CPLANE1: variants seen among roughly 807,000 people sequenced by gnomAD.
CPLANE1 encodes ciliogenesis and planar polarity effector complex subunit 1.
Under a neutral mutation model 362.5 loss-of-function variants are expected in CPLANE1, and 263 were observed. The ratio of observed to expected loss-of-function variants is 0.73; its 90% confidence interval spans 0.66 to 0.80. The LOEUF (loss-of-function observed/expected upper bound fraction) is 0.80. CPLANE1 is among the 30% of genes least tolerant of loss of function. The pLI, the probability that CPLANE1 is intolerant of heterozygous loss-of-function variation, is 0.00. For synonymous variants in CPLANE1, 1,212 were observed against 1,302.6 expected (o/e 0.93, Z 1.50); for missense variants, 3,461 against 3,793.4 (o/e 0.91, Z 2.30).
Position 37,182,890 on chromosome 5 carries a change from A to T in CPLANE1, c.5291T>A (p.Ile1764Lys), listed in dbSNP as rs140092205. Reference sequence around the variant, plus strand: ...ACTGTACTCAGAGGATGACTCAGTTATACCAGAATCACAGAGTAGCCTTCT... The same window carrying T: ...ACTGTACTCAGAGGATGACTCAGTTTTACCAGAATCACAGAGTAGCCTTCT... ...SNRRLLCDSG[I>K]TESSSEYSPV... Residue 1764 changes from isoleucine to lysine, a missense_variant, in exon 26 of 53, where the codon ATA becomes AAA. Coordinates refer to ENST00000651892, the MANE Select transcript of CPLANE1 (RefSeq NM_001384732.1). 1.2e-6 allele frequency: 2 copies of T among 1,608,186 alleles called. No individual in the cohort carries two copies. The highest frequency in any genetic ancestry group is 2.7e-5 in the African/African-American group (2 of 74,638).
At chr5:37,151,189 C>T (rs2150572124) in intron 42 of CPLANE1, among the ~76,000 whole-genome samples, 1 of 152,328 alleles carries the variant, frequency 6.6e-6, no homozygotes, top group Admixed American at 6.5e-5. Flanking sequence ...AAGTAATGCT[C>T]ATACAGCTCC....
intron 15 of CPLANE1, 60 bp downstream of exon 15, chr5:37,221,264 G>A: frequency 2.5e-6 from 3 of 1,193,118 alleles, no homozygotes; most frequent in East Asian, 2.8e-5. Context: ...AGCCAGGCTG[G>A]CAACATAGGG....
the CPLANE1 span, among the ~76,000 whole-genome samples, chr5:37,088,306 A>G: frequency 6.6e-6 from 1 of 152,232 alleles, no homozygotes; most frequent in Non-Finnish European, 1.5e-5. Context: ...ATCAAAGGAA[A>G]GGCAGCCACA....
chr5:37,173,979 C>T (rs1479506912), intron 31 of CPLANE1, 32 bp from the exon 32 acceptor site: 17 of 1,563,340 alleles, frequency 1.1e-5, no homozygotes, highest in Non-Finnish European at 1.5e-5. Flanking sequence ...AAAAAACATG[C>T]ATTAAAATTG....
chr5:37,232,685 A>T (rs1362828443), intron 8 of CPLANE1, among the ~76,000 whole-genome samples: 7 of 151,416 alleles, frequency 4.6e-5, no homozygotes, highest in Admixed American at 4.0e-4. Context: ...AAAAAAAAAC[A>T]AAAAAACAGT....
chr5:37,243,207 A>C (rs1800957502), intron 5 of CPLANE1, 88 bp from the exon 6 acceptor site: 1 of 727,572 alleles, frequency 1.4e-6, no homozygotes, highest in Non-Finnish European at 2.1e-6. Context: ...CCTCATCATA[A>C]ACCAGTAAAA....
In CPLANE1 at chr5:37,121,700, T is replaced by TAGCTG; in HGVS notation, c.9097_9101dup (p.Pro3035SerfsTer39). ...GCAATGGTTTCTGTGGTAGAGTTGGTAGCTGTACTGACTCAGATAACAGTT... is the reference window on the plus strand; with the variant it reads ...GCAATGGTTTCTGTGGTAGAGTTGGTAGCTGAGCTGTACTGACTCAGATAACAGTT... On this transcript the variant is annotated frameshift_variant, in exon 49 of 53. Coordinates refer to ENST00000651892, the MANE Select transcript of CPLANE1 (RefSeq NM_001384732.1). LOFTEE classifies it high-confidence loss of function. 1 of 1,613,968 alleles carries TAGCTG rather than the reference T, an allele frequency of 6.2e-7. No homozygotes were observed. Among genetic ancestry groups the TAGCTG allele is most frequent in the Non-Finnish European group, 8.5e-7 (1 of 1,179,782 alleles).
chr5:37,241,288 T>C (rs1417846543), intron 6 of CPLANE1, among the ~76,000 whole-genome samples: 1 of 152,056 alleles, frequency 6.6e-6, no homozygotes, highest in African/African-American at 2.4e-5. Context: ...ACCCCATCTT[T>C]ACTAAAAATA....
intron 6 of CPLANE1, 57 bp downstream of exon 6, chr5:37,242,956 T>C (rs1800896811): frequency 8.2e-7 from 1 of 1,222,740 alleles, no homozygotes; most frequent in South Asian, 1.4e-5. Flanking sequence ...AGCAAGACCC[T>C]GCCTCCAAAA....
chr5:37,084,403 C>T, the CPLANE1 span, among the ~76,000 whole-genome samples: 1 of 152,078 alleles, frequency 6.6e-6, no homozygotes, highest in Non-Finnish European at 1.5e-5. Flanking sequence ...GGCATACAAG[C>T]AACAAATAAC....
chr5:37,080,321 G>A, the CPLANE1 span, among the ~76,000 whole-genome samples: 1 of 152,192 alleles, frequency 6.6e-6, no homozygotes. Flanking sequence ...CGTCCAGGCA[G>A]ACCACAGTGC....
At position 37,121,644 on chromosome 5, in the gene CPLANE1, CT is replaced by C. The variant is rs758829030; in HGVS notation, c.9157del (p.Ser3053ValfsTer19). The C allele has an allele frequency of 2.5e-6, 4 of 1,614,038 alleles. No homozygotes were observed. The African/African-American group carries it at 5.3e-5, about 22-fold the overall frequency. On this transcript the variant is annotated frameshift_variant, in exon 49 of 53. Coordinates refer to ENST00000651892, the MANE Select transcript of CPLANE1 (RefSeq NM_001384732.1). LOFTEE classifies it high-confidence loss of function. Reference sequence around the variant, plus strand: ...TCTTGGAGAAGGGCAGTGTTGACAACTGGAAGACTGAGTAGGGCTGGGTTTG... The same window carrying C: ...TCTTGGAGAAGGGCAGTGTTGACAACGGAAGACTGAGTAGGGCTGGGTTTG... ...PNKPSPTQSS[S>X]CQHCPSPRGE... is the part of the protein sequence containing the mutation.
chr5:37,243,551 G>C, intron 5 of CPLANE1, among the ~76,000 whole-genome samples: 1 of 151,082 alleles, frequency 6.6e-6, no homozygotes, highest in Non-Finnish European at 1.5e-5. Context: ...TTTTAAATAC[G>C]TTTTGGTTTT....
At position 37,193,258 on chromosome 5, in the gene CPLANE1, C is replaced by T. The variant is rs140593170; in HGVS notation, c.3811+2600G>A. Among the ~76,000 whole-genome samples, 1,186 of 152,176 alleles carry T rather than the reference C, an allele frequency of 7.8e-3. 22 individuals carry two copies. Among genetic ancestry groups the T allele is most frequent in the African/African-American group, 0.028 (1,149 of 41,524 alleles). ...TGTACTTATGATGTACTCAGATTTG[C>T]TTTCATGTGTTGACAATTGTTGCAA... is the stretch of plus-strand genomic sequence containing the variant. On this transcript the variant is annotated intron_variant, in intron 21 of 52. Transcript: ENST00000651892.
rs753008073 is a variant in CPLANE1 at position 37,142,372 on chromosome 5, AAC to A, written c.8568_8569del (p.Phe2857SerfsTer14). On this transcript the variant is annotated frameshift_variant, in exon 44 of 53. Coordinates refer to ENST00000651892, the MANE Select transcript of CPLANE1 (RefSeq NM_001384732.1). LOFTEE classifies it high-confidence loss of function. ...GCTGACAGCTGAATCGGCAGTAGGA[AAC>A]ACACAGGTTTTCTGACCAGAATAAT... 1.9e-6 allele frequency: 3 copies of A among 1,611,746 alleles called. No individual in the cohort carries two copies. The highest frequency in any genetic ancestry group is 2.5e-6 in the Non-Finnish European group (3 of 1,179,108).
chr5:37,158,282 G>T lies in CPLANE1; in HGVS notation c.7754C>A (p.Ser2585Tyr). 6.2e-7 allele frequency: 1 copy of T among 1,613,830 alleles called. No homozygotes were observed. The highest frequency in any genetic ancestry group is 8.5e-7 in the Non-Finnish European group (1 of 1,179,854). Residue 2585 changes from serine to tyrosine, a missense_variant, in exon 39 of 53, where the codon TCC becomes TAC. Physicochemically the swap from Ser to Tyr is moderately radical, Grantham distance 144 (BLOSUM62 -2). This residue lies in a region of CPLANE1 where 3,380 missense variants were observed against 3,666.1 expected (regional missense o/e 0.92). Transcript: ENST00000651892. ...VPDVYLNLKLSSEMSEKPWSP... is the reference protein window; with the variant it reads ...VPDVYLNLKLYSEMSEKPWSP... ...CCAAGGTTTCTCTGACATTTCACTG[G>T]AAAGCTTCAGATTTAGATAGACATC... is the stretch of plus-strand genomic sequence containing the variant.
rs745930406 is a variant in CPLANE1, at chr5:37,195,953, T to G, written c.3716A>C (p.Gln1239Pro). 1.2e-6 allele frequency: 2 copies of G among 1,611,696 alleles called. No individual in the cohort carries two copies. The highest frequency in any genetic ancestry group is 1.7e-5 in the Admixed American group (1 of 59,546). ...TCCTTTACAGTAATTAAGTAATGAC[T>G]GAGGAAAAGGACTCAGTGAAGGAAG... ...GSLPSLSPFP[Q>P]SLLNYCKGGI... Residue 1239 changes from glutamine to proline, a missense_variant, in exon 21 of 53, where the codon CAG becomes CCG. Coordinates refer to ENST00000651892, the MANE Select transcript of CPLANE1 (RefSeq NM_001384732.1).
intron 18 of CPLANE1, among the ~76,000 whole-genome samples, chr5:37,203,243 TTTTG>T (rs1414300096): frequency 6.6e-6 from 1 of 152,190 alleles, no homozygotes; most frequent in African/African-American, 2.4e-5. Context: ...GCTCCTATAG[TTTTG>T]TTTTTTATAG....
intron 16 of CPLANE1, among the ~76,000 whole-genome samples, chr5:37,212,698 T>A (rs1792960588): frequency 6.6e-6 from 1 of 152,190 alleles, no homozygotes. Context: ...ATTAGATGCA[T>A]TTTGACCATA....
Sources: gnomAD v4.1 joint callset for allele counts (sites outside exome capture counted in the v4.1 genomes callset) on GRCh38, gnomAD v4.1.1 for gene constraint, gnomAD v4.1.1 regional missense constraint, MANE v1.5 for transcripts, NCBI Gene and HGNC (gene_info 2026-07-23, HGNC 2026-07-21) for gene names.